Variants in GSE1 observed in about 807,000 individuals in gnomAD.
GSE1 encodes the protein Gse1 coiled-coil protein.
A neutral mutation model predicts 112.6 loss-of-function variants in GSE1; 32 were observed. That is an observed-to-expected ratio of 0.28 (90% CI 0.21 to 0.38). The LOEUF is 0.38. Among genes scored for constraint, GSE1 ranks in the 10% least tolerant of loss-of-function variants. The probability of loss-of-function intolerance (pLI) is 1.00; values close to 1 mark genes in which losing one functional copy is unlikely to be tolerated. For missense variants in GSE1, 2,348 were observed against 1,699.2 expected (o/e 1.38, Z -6.71); for synonymous variants, 1,115 against 735.6 (o/e 1.52, Z -8.35).
chr16:85,245,103 A>C (rs1029169148), intron 1 of GSE1, among the ~76,000 whole-genome samples: 5 of 152,156 alleles, frequency 3.3e-5, no homozygotes, highest in Admixed American at 3.3e-4. Flanking sequence ...TCAGGGCTGC[A>C]GTAAGCTATG....
At chr16:85,313,721 T>C (rs1396086600) in intron 1 of GSE1, among the ~76,000 whole-genome samples, 1 of 152,184 alleles carries the variant, frequency 6.6e-6, no homozygotes, top group African/African-American at 2.4e-5. Flanking sequence ...CGGAGAGCTG[T>C]CCGGGAGCCT....
At chr16:85,632,322 C>T (rs886961268) in intron 1 of GSE1, among the ~76,000 whole-genome samples, 1 of 152,096 alleles carries the variant, frequency 6.6e-6, no homozygotes, top group Non-Finnish European at 1.5e-5. Flanking sequence ...CGATGCCCCC[C>T]GAACTCGTTC....
chr16:85,500,728 C>G (rs751211789), intron 2 of GSE1, among the ~76,000 whole-genome samples: 14 of 152,194 alleles, frequency 9.2e-5, no homozygotes, highest in Non-Finnish European at 1.6e-4. Context: ...GTACCAAAAC[C>G]GGGGGATGGA....
At chr16:85,629,864 C>T (rs1035789589) in intron 1 of GSE1, among the ~76,000 whole-genome samples, 3 of 152,172 alleles carry the variant, frequency 2.0e-5, no homozygotes, top group Non-Finnish European at 2.9e-5. Context: ...CTGACCGTAT[C>T]AGTTATCTAG....
chr16:85,448,320 G>A (rs1447047665), intron 2 of GSE1, among the ~76,000 whole-genome samples: 1 of 152,204 alleles, frequency 6.6e-6, no homozygotes, highest in African/African-American at 2.4e-5. Flanking sequence ...ATTCTGCTGT[G>A]CAGCCAGGGT....
chr16:85,233,646 TG>T (rs147897895), intron 1 of GSE1, among the ~76,000 whole-genome samples: 1,674 of 152,126 alleles, frequency 0.011, 27 homozygotes, highest in African/African-American at 0.038. Context: ...TGTGTGTGGA[TG>T]GGGGGTGTGC....
chr16:85,393,750 C>T (rs1162682894), intron 2 of GSE1, among the ~76,000 whole-genome samples: 3 of 152,214 alleles, frequency 2.0e-5, no homozygotes, highest in Non-Finnish European at 4.4e-5. Flanking sequence ...GGGCCCAGTC[C>T]AGAATGAGGT....
intron 1 of GSE1, among the ~76,000 whole-genome samples, chr16:85,184,028 C>T (rs747653008): frequency 3.3e-5 from 5 of 152,216 alleles, no homozygotes; most frequent in Non-Finnish European, 7.3e-5. Context: ...AGAGAGTCTT[C>T]AGTCTCCTCT....
intron 2 of GSE1, among the ~76,000 whole-genome samples, chr16:85,444,456 G>A (rs558650480): frequency 3.3e-5 from 5 of 152,284 alleles, no homozygotes; most frequent in Admixed American, 6.5e-5. Context: ...GGCCGCTGGC[G>A]TTGAGAGCTG....
intron 1 of GSE1, among the ~76,000 whole-genome samples, chr16:85,336,956 A>G (rs529695996): frequency 7.2e-5 from 11 of 152,078 alleles, no homozygotes; most frequent in Non-Finnish European, 1.6e-4. Flanking sequence ...ACATGCTTGT[A>G]TACACATAGG....
At chr16:85,282,109 C>A (rs993052264) in intron 1 of GSE1, among the ~76,000 whole-genome samples, 2 of 151,860 alleles carry the variant, frequency 1.3e-5, no homozygotes, top group African/African-American at 4.8e-5. Flanking sequence ...CCCACTGCAA[C>A]CTCTGCCTCC....
At chr16:85,615,056 A>T (rs2048285918) in intron 1 of GSE1, among the ~76,000 whole-genome samples, 1 of 152,150 alleles carries the variant, frequency 6.6e-6, no homozygotes, top group African/African-American at 2.4e-5. Context: ...CAGGGGTGGA[A>T]GGGGGAACCC....
intron 1 of GSE1, chr16:85,593,431 T>C (rs2047080847): frequency 6.6e-6 from 1 of 152,412 alleles, no homozygotes; most frequent in African/African-American, 2.4e-5. Context: ...GATTTCCCTC[T>C]CCCAGGGGCC....
intron 1 of GSE1, chr16:85,582,219 C>T (rs1271726924): frequency 6.6e-6 from 1 of 152,248 alleles, no homozygotes; most frequent in Admixed American, 6.5e-5. Context: ...GCTCTGCAAA[C>T]ATTGCCCCTC....
chr16:85,562,667 T>C (rs1193682814), intron 1 of GSE1, among the ~76,000 whole-genome samples: 1 of 152,198 alleles, frequency 6.6e-6, no homozygotes, highest in Non-Finnish European at 1.5e-5. Flanking sequence ...GCCTCCTGCT[T>C]TGAGCCTGGT....
chr16:85,670,524 T>A (rs2053244755), intron 14 of GSE1: 1 of 152,336 alleles, frequency 6.6e-6, no homozygotes, highest in Non-Finnish European at 1.5e-5. Flanking sequence ...TTTCATTTGC[T>A]GAAACACTGT....
At chr16:85,429,721 C>G (rs886804036) in intron 2 of GSE1, among the ~76,000 whole-genome samples, 2 of 152,248 alleles carry the variant, frequency 1.3e-5, no homozygotes, top group Non-Finnish European at 2.9e-5. Context: ...CCACTGTTCC[C>G]TCTGCCTGGA....
intron 1 of GSE1, among the ~76,000 whole-genome samples, chr16:85,575,905 T>TG (rs1207485181): frequency 2.7e-5 from 4 of 150,360 alleles, no homozygotes; most frequent in Non-Finnish European, 5.9e-5. Flanking sequence ...CGTTTCTGTT[T>TG]TTTTTTTTTT....
chr16:85,322,862 C>T (rs1383175400), intron 1 of GSE1, among the ~76,000 whole-genome samples: 5 of 152,076 alleles, frequency 3.3e-5, no homozygotes, highest in Non-Finnish European at 2.9e-5. Context: ...GTGATCTACC[C>T]GCCTTGGCCT....
Sources: gnomAD v4.1 joint callset for allele counts (sites outside exome capture counted in the v4.1 genomes callset) on GRCh38, gnomAD v4.1.1 for gene constraint, MANE v1.5 for transcripts, NCBI Gene and HGNC (gene_info 2026-07-23, HGNC 2026-07-21) for gene names.